Variants in BTF3 observed in about 807,000 individuals in gnomAD.
BTF3 encodes the protein transcription factor BTF3.
A neutral mutation model predicts 23.9 loss-of-function variants in BTF3; 12 were observed. The observed-to-expected ratio is 0.50, with a 90% confidence interval of 0.32 to 0.81. The LOEUF is 0.81. Among genes scored for constraint, BTF3 ranks in the 40% least tolerant of loss-of-function variants. BTF3 has a pLI of 0.03. For synonymous variants in BTF3, 96 were observed against 94.8 expected, an observed-to-expected ratio of 1.01 and a Z score of -0.07; for missense variants, 215 against 255.9, an observed-to-expected ratio of 0.84 and a Z score of 1.09.
intron 4 of BTF3, among the ~76,000 whole-genome samples, chr5:73,503,612 T>C (rs1005998561): frequency 1.3e-5 from 2 of 152,252 alleles, no homozygotes; most frequent in African/African-American, 2.4e-5. Flanking sequence ...GGCAGTGTTA[T>C]GCTGTTTTCT....
chr5:73,499,453 A>T, intron 2 of BTF3: 1 of 563,836 alleles, frequency 1.8e-6, no homozygotes, highest in Non-Finnish European at 3.2e-6. Flanking sequence ...TAGAACACAA[A>T]AGTGTTTCCT....
chr5:73,499,441 A>C (rs889553507), intron 2 of BTF3: 1 of 583,784 alleles, frequency 1.7e-6, no homozygotes, highest in Non-Finnish European at 3.0e-6. Flanking sequence ...ACAGAGTGTA[A>C]GTAGAACACA....
At chr5:73,499,371 C>T in intron 2 of BTF3, 169 bp downstream of exon 2, 1 of 740,672 alleles carries the variant, frequency 1.4e-6, no homozygotes, top group Non-Finnish European at 2.4e-6. Flanking sequence ...GTTGGAGACA[C>T]ATCAGTGAGA....
Position 73,502,641 on chromosome 5 carries a change from G to T in BTF3, c.315+40G>T, listed in dbSNP as rs1317753778. ...TTGTTACTTTAAAAAACAAGATTTG[G>T]CTGGGAAAAGTTAACGTTAATGCAT... On this transcript the variant is annotated intron_variant, in intron 3 of 5. Coordinates refer to ENST00000380591, the MANE Select transcript of BTF3 (RefSeq NM_001037637.2). 2.7e-6 allele frequency: 4 copies of T among 1,482,618 alleles called. No individual in the cohort carries two copies. The Admixed American group carries it at 9.0e-5, about 33-fold the overall frequency. The allele number at this position is 1,482,618 out of a possible 1,614,324, so 91.8% of individuals were successfully genotyped here. A position where few individuals can be genotyped will look rare whatever the true frequency, so the allele number is the denominator to read the frequency against.
intron 3 of BTF3, 73 bp downstream of exon 3, chr5:73,502,674 GTTGT>G: frequency 1.0e-6 from 1 of 976,834 alleles, no homozygotes; most frequent in Non-Finnish European, 1.4e-6. Flanking sequence ...CATTAAATGG[GTTGT>G]TTTTTTTTTT....
chr5:73,504,236 A>C, intron 4 of BTF3, 111 bp from the exon 5 acceptor site: 2 of 704,390 alleles, frequency 2.8e-6, no homozygotes, highest in South Asian at 4.7e-5. Context: ...CATGGAAATA[A>C]GTTGTAACAA....
rs1197916306 is a variant in BTF3 at position 73,498,771 on chromosome 5, G to T, written c.104G>T (p.Arg35Leu). The change falls in exon 1 of 6, where the codon CGC (arginine) becomes CTC (leucine). Residue 35 changes from arginine to leucine, a missense_variant. This residue lies in a region of BTF3 where 116 missense variants were observed against 84.7 expected (regional missense o/e 1.37). Transcript: ENST00000380591. Reference protein sequence around the residue: ...GEATLSQPPPRGGTRGQEPQM... With the variant: ...GEATLSQPPPLGGTRGQEPQM... ...GCGACGCTGTCTCAACCTCCACCTC[G>T]CGGCGGAACCCGAGGACAGGAGCCT... The T allele has an allele frequency of 6.6e-7, 1 of 1,505,278 alleles. No homozygotes were observed. Among genetic ancestry groups the T allele is most frequent in the Non-Finnish European group, 8.8e-7 (1 of 1,136,486 alleles). 93.2% of individuals were successfully genotyped at this position (1,505,278 alleles called of 1,614,324 possible).
At chr5:73,502,736 T>C in intron 3 of BTF3, 135 bp downstream of exon 3, 2 of 837,116 alleles carry the variant, frequency 2.4e-6, no homozygotes, top group Non-Finnish European at 3.7e-6. Flanking sequence ...CTACCATAAA[T>C]TAATAAATAT....
chr5:73,504,440 T>C, intron 5 of BTF3, 37 bp downstream of exon 5: 1 of 1,548,398 alleles, frequency 6.5e-7, no homozygotes, highest in African/African-American at 1.4e-5. Context: ...TAGAGAATCT[T>C]AGCAAGGGAG....
At position 73,504,455 on chromosome 5, in the gene BTF3, A is replaced by G. The variant is rs879171657; in HGVS notation, c.574+52A>G. 4.0e-6 allele frequency: 6 copies of G among 1,507,576 alleles called. No individual in the cohort carries two copies. The South Asian group carries it at 7.3e-5, about 18-fold the overall frequency. The allele number at this position is 1,507,576 out of a possible 1,614,324, so 93.4% of individuals were successfully genotyped here. A position where few individuals can be genotyped will look rare whatever the true frequency, so the allele number is the denominator to read the frequency against. ...TAGAGAATCTTAGCAAGGGAGAATAAGAAATCTTTGTAGGAAAAACTACCC... is the reference window on the plus strand; with the variant it reads ...TAGAGAATCTTAGCAAGGGAGAATAGGAAATCTTTGTAGGAAAAACTACCC... On this transcript the variant is annotated intron_variant, in intron 5 of 5. Coordinates refer to ENST00000380591, the MANE Select transcript of BTF3 (RefSeq NM_001037637.2).
In BTF3 at chr5:73,498,539, C is replaced by G; in HGVS notation, c.-129C>G. ...CACCAACCCTAGTCCCCCGCGCGGC[C>G]CCTTATTCGCTCCGACAAGGTACAA... On this transcript the variant is annotated 5_prime_UTR_variant, in exon 1 of 6. Coordinates refer to ENST00000380591, the MANE Select transcript of BTF3 (RefSeq NM_001037637.2). The G allele has an allele frequency of 1.5e-6, 2 of 1,346,862 alleles. No homozygotes were observed. The highest frequency in any genetic ancestry group is 3.4e-5 in the South Asian group (2 of 59,500). 83.4% of individuals were successfully genotyped at this position (1,346,862 alleles called of 1,614,324 possible).
chr5:73,504,928 A>G (rs1291741656), intron 5 of BTF3: 2 of 366,388 alleles, frequency 5.5e-6, no homozygotes, highest in African/African-American at 4.3e-5. Context: ...ATAGACAGGT[A>G]TCCTTAGGAA....
At chr5:73,499,869 C>T (rs1420240469) in intron 2 of BTF3, among the ~76,000 whole-genome samples, 1 of 151,784 alleles carries the variant, frequency 6.6e-6, no homozygotes, top group Non-Finnish European at 1.5e-5. Flanking sequence ...TTAGATTGTC[C>T]TGTAATTAAT....
Position 73,499,127 on chromosome 5 carries a change from T to A in BTF3, c.133-7T>A. 1 of 1,606,392 alleles carries A rather than the reference T, an allele frequency of 6.2e-7. No homozygotes were observed. Among genetic ancestry groups the A allele is most frequent in the Non-Finnish European group, 8.5e-7 (1 of 1,178,344 alleles). ...CTATCCTTGCTGAGGATTTCCTCTT[T>A]TTCTAGATGAAAGAAACAATCATGA... On this transcript the variant is annotated splice_polypyrimidine_tract_variant and splice_region_variant and intron_variant, in intron 1 of 5. Transcript: ENST00000380591.
chr5:73,498,838 GC>G (rs1173861806), intron 1 of BTF3, 39 bp downstream of exon 1: 18 of 1,500,570 alleles, frequency 1.2e-5, no homozygotes, highest in Non-Finnish European at 1.6e-5. Context: ...GGCCGGGCAG[GC>G]CCTGGCTAGG....
At chr5:73,500,310 G>C (rs1746405042) in intron 2 of BTF3, among the ~76,000 whole-genome samples, 1 of 152,144 alleles carries the variant, frequency 6.6e-6, no homozygotes, top group African/African-American at 2.4e-5. Context: ...TTGTGTCTCA[G>C]TGTTTGGATG....
intron 2 of BTF3, 75 bp from the exon 3 acceptor site, chr5:73,502,413 G>C (rs1399123608): frequency 9.5e-7 from 1 of 1,048,962 alleles, no homozygotes; most frequent in African/African-American, 1.6e-5. Context: ...AAATGAATTG[G>C]AAACTATTCC....
intron 2 of BTF3, 103 bp from the exon 3 acceptor site, chr5:73,502,385 T>C: frequency 1.2e-6 from 1 of 844,620 alleles, no homozygotes; most frequent in Non-Finnish European, 1.8e-6. Context: ...AATGTTCTTA[T>C]ACAGATCCAA....
Position 73,498,698 on chromosome 5 carries a change from G to A in BTF3, c.31G>A (p.Asp11Asn), listed in dbSNP as rs1746342208. 1 of 1,499,664 alleles carries A rather than the reference G, an allele frequency of 6.7e-7. No homozygotes were observed. Among genetic ancestry groups the A allele is most frequent in the Non-Finnish European group, 8.8e-7 (1 of 1,132,648 alleles). 92.9% of individuals were successfully genotyped at this position (1,499,664 alleles called of 1,614,324 possible). Residue 11 changes from aspartate (D) to asparagine (N), a missense_variant, in exon 1 of 6, where the codon GAC becomes AAC. Coordinates refer to ENST00000380591, the MANE Select transcript of BTF3 (RefSeq NM_001037637.2). Reference sequence around the variant, plus strand: ...ACGGACAGGCGCACCCGCTCAGGCTGACTCTCGGGGGCGAGGTCGAGCCAG... The same window carrying A: ...ACGGACAGGCGCACCCGCTCAGGCTAACTCTCGGGGGCGAGGTCGAGCCAG... MRRTGAPAQADSRGRGRARGG... is the reference protein window; with the variant it reads MRRTGAPAQANSRGRGRARGG...
Sources: gnomAD v4.1 joint callset for allele counts (sites outside exome capture counted in the v4.1 genomes callset) on GRCh38, gnomAD v4.1.1 for gene constraint, gnomAD v4.1.1 regional missense constraint, MANE v1.5 for transcripts, NCBI Gene and HGNC (gene_info 2026-07-23, HGNC 2026-07-21) for gene names.